Variants in DMBT1 observed in about 807,000 individuals in gnomAD.
DMBT1 encodes the protein deleted in malignant brain tumors 1.
DMBT1 carries 198 observed loss-of-function variants against 252.9 expected under a neutral mutation model. The observed-to-expected ratio is 0.78, with a 90% CI of 0.70 to 0.88. DMBT1 has a LOEUF of 0.88. Ranked by LOEUF, DMBT1 falls within the 40% of genes least tolerant of loss-of-function variation. The pLI, the probability that DMBT1 is intolerant of heterozygous loss-of-function variation, is 0.00. For missense variants in DMBT1, 2,432 were observed against 2,404.7 expected (o/e 1.01, Z -0.24); for synonymous variants, 990 against 942.7 (o/e 1.05, Z -0.92).
chr10:122,586,085 G>A lies in DMBT1; in HGVS notation c.1485G>A (p.Arg495=). 2 of 1,589,006 alleles carry A rather than the reference G, an allele frequency of 1.3e-6. No individual in the cohort carries two copies. The highest frequency in any genetic ancestry group is 1.7e-6 in the Non-Finnish European group (2 of 1,166,060). The stretch of plus-strand genomic sequence containing the variant: ...GATCTGAATCCAGTTTGGCCCTGAG[G>A]CTGGTGAATGGAGGTGACAGGTGTC... ...TVGSESSLAL[R]LVNGGDRCQG... Residue 495 remains arginine, a synonymous_variant, in exon 16 of 56, where the codon AGG becomes AGA. Transcript: ENST00000338354.
intron 5 of DMBT1, among the ~76,000 whole-genome samples, chr10:122,573,055 A>G (rs746563600): frequency 2.0e-5 from 3 of 152,148 alleles, no homozygotes; most frequent in Non-Finnish European, 2.9e-5. Flanking sequence ...TAATTCACAA[A>G]GAAACCTACA....
chr10:122,570,418 C>T (rs1198254904), intron 3 of DMBT1, among the ~76,000 whole-genome samples: 3 of 152,256 alleles, frequency 2.0e-5, no homozygotes, highest in Non-Finnish European at 4.4e-5. Flanking sequence ...GGGCATGGTC[C>T]TCCATGCAGC....
chr10:122,626,407 C>G (rs1164640263), intron 46 of DMBT1, among the ~76,000 whole-genome samples: 1 of 152,128 alleles, frequency 6.6e-6, no homozygotes, highest in African/African-American at 2.4e-5. Context: ...AATTATTTGA[C>G]AAATCATCAG....
At chr10:122,591,871 C>T (rs2097851911) in intron 19 of DMBT1, among the ~76,000 whole-genome samples, 1 of 149,294 alleles carries the variant, frequency 6.7e-6, no homozygotes, top group East Asian at 2.1e-4. Context: ...CTGCAGTTGT[C>T]TGGCCAATGT....
At chr10:122,566,601 C>T (rs1430843793) in intron 2 of DMBT1, among the ~76,000 whole-genome samples, 5 of 152,310 alleles carry the variant, frequency 3.3e-5, no homozygotes, top group African/African-American at 7.2e-5. Flanking sequence ...TGAGCCACTG[C>T]GCCCGGCCTA....
In DMBT1 at chr10:122,598,133, G is replaced by T. The variant is rs941450146; in HGVS notation, c.2956+121G>T. 6.2e-6 allele frequency: 9 copies of T among 1,450,682 alleles called. No homozygotes were observed. The African/African-American group carries it at 1.3e-4, about 20-fold the overall frequency. 89.9% of individuals were successfully genotyped at this position (1,450,682 alleles called of 1,614,324 possible). Reference sequence around the variant, plus strand: ...TCTCTTTTTCATGTCCCTGTGGGTTGCATGGGAGGAAGGTAGCGTCTCTGG... The same window carrying T: ...TCTCTTTTTCATGTCCCTGTGGGTTTCATGGGAGGAAGGTAGCGTCTCTGG... On this transcript the variant is annotated intron_variant, in intron 25 of 55. Coordinates refer to ENST00000338354, the MANE Select transcript of DMBT1 (RefSeq NM_001377530.1).
chr10:122,618,982 G>T (rs944885085), intron 41 of DMBT1, among the ~76,000 whole-genome samples: 6 of 152,242 alleles, frequency 3.9e-5, no homozygotes, highest in African/African-American at 1.4e-4. Flanking sequence ...GATCACACAA[G>T]GCATTTGGGC....
intron 40 of DMBT1, 91 bp from the exon 41 acceptor site, chr10:122,617,925 TG>T: frequency 6.4e-7 from 1 of 1,573,494 alleles, no homozygotes; most frequent in Middle Eastern, 2.4e-4. Flanking sequence ...CAGGTGACTC[TG>T]GCCATTAGGA....
intron 55 of DMBT1, among the ~76,000 whole-genome samples, chr10:122,641,826 T>C (rs1057382872): frequency 6.6e-6 from 1 of 152,110 alleles, no homozygotes; most frequent in Admixed American, 6.5e-5. Flanking sequence ...CAGGGACTTA[T>C]TGGCTACACC....
rs567473612 is a variant in DMBT1, at chr10:122,560,866, C to T, written c.61+35C>T. 4.7e-5 allele frequency: 70 copies of T among 1,498,872 alleles called. No homozygotes were observed. The South Asian group carries it at 8.1e-4, about 17-fold the overall frequency. 92.8% of individuals were successfully genotyped at this position (1,498,872 alleles called of 1,614,324 possible). ...TTAATTATTATATTCATTAATTTCT[C>T]TCCTGCAGACCCAATCATGGCAAAT... is the stretch of plus-strand genomic sequence containing the variant. On this transcript the variant is annotated intron_variant, in intron 1 of 55. Transcript: ENST00000338354.
chr10:122,643,366 AC>A lies in DMBT1; in HGVS notation c.7604del (p.Pro2535HisfsTer24). 1.2e-6 allele frequency: 2 copies of A among 1,611,206 alleles called. No homozygotes were observed. Among genetic ancestry groups the A allele is most frequent in the Non-Finnish European group, 8.5e-7 (1 of 1,179,104 alleles). On this transcript the variant is annotated frameshift_variant, in exon 56 of 56. Coordinates refer to ENST00000338354, the MANE Select transcript of DMBT1 (RefSeq NM_001377530.1). LOFTEE classifies it low-confidence loss of function (END_TRUNC). ...DVVLGPIQLQ[T>X]PPRREEEPR Reference sequence around the variant, plus strand: ...CGTCCTGGGTCCCATCCAGCTGCAGACCCCCCCACGCCGAGAAGAGGAGCCT... The same window carrying A: ...CGTCCTGGGTCCCATCCAGCTGCAGACCCCCCACGCCGAGAAGAGGAGCCT...
chr10:122,617,883 G>A, intron 40 of DMBT1, 134 bp from the exon 41 acceptor site: 2 of 1,455,700 alleles, frequency 1.4e-6, no homozygotes, highest in South Asian at 1.3e-5. Flanking sequence ...TGAACCTCCG[G>A]TAGCAGTTGT....
At chr10:122,578,140 G>A (rs2097729111) in intron 8 of DMBT1, among the ~76,000 whole-genome samples, 1 of 152,136 alleles carries the variant, frequency 6.6e-6, no homozygotes, top group Non-Finnish European at 1.5e-5. Context: ...TATATTCAGG[G>A]CTGACACAAC....
intron 9 of DMBT1, 52 bp downstream of exon 9, chr10:122,578,811 A>G (rs1053901523): frequency 2.0e-6 from 3 of 1,517,898 alleles, no homozygotes; most frequent in African/African-American, 1.4e-5. Context: ...CTCTGGATAC[A>G]CTTTGGATTT....
rs751065371 is a variant in DMBT1, at chr10:122,593,537, C to T, written c.2501-32C>T. 8 of 1,585,530 alleles carry T rather than the reference C, an allele frequency of 5.0e-6. 1 individual carries two copies. The South Asian group carries it at 9.2e-5, about 18-fold the overall frequency. ...GTTTTGCCGACTTCTGTGTAATGTT[C>T]CTGATCTGACCTTCTCTTCTCTTTC... On this transcript the variant is annotated intron_variant, in intron 20 of 55. Transcript: ENST00000338354.
chr10:122,589,639 G>A (rs961888601), intron 17 of DMBT1, among the ~76,000 whole-genome samples: 1 of 148,534 alleles, frequency 6.7e-6, no homozygotes, highest in Non-Finnish European at 1.5e-5. Flanking sequence ...CTGCATAGGA[G>A]CGTGGTATCT....
rs188294188 is a variant in DMBT1 at position 122,629,410 on chromosome 10, C to T, written c.5669-430C>T. ...CAACGTTGTGCTACTTGTGAATTGG[C>T]AGAGTCCTGTGCTCATGGAAGACGC... On this transcript the variant is annotated intron_variant, in intron 46 of 55. Transcript: ENST00000338354. Among the ~76,000 whole-genome samples the T allele has an allele frequency of 2.0e-5, 3 of 152,294 alleles. No homozygotes were observed. The East Asian group carries it at 5.8e-4, about 29-fold the overall frequency.
intron 48 of DMBT1, 95 bp downstream of exon 48, chr10:122,630,585 G>A (rs2098155000): frequency 7.6e-7 from 1 of 1,316,446 alleles, no homozygotes; most frequent in Non-Finnish European, 1.1e-6. Context: ...TCAAAGAAGG[G>A]CCTCAGCGAT....
chr10:122,624,069 G>A (rs932443040), intron 44 of DMBT1, among the ~76,000 whole-genome samples: 1 of 152,180 alleles, frequency 6.6e-6, no homozygotes, highest in African/African-American at 2.4e-5. Context: ...TGGTCCCTGT[G>A]AGCAGAGTGA....
Sources: gnomAD v4.1 joint callset for allele counts (sites outside exome capture counted in the v4.1 genomes callset) on GRCh38, gnomAD v4.1.1 for gene constraint, MANE v1.5 for transcripts, NCBI Gene and HGNC (gene_info 2026-07-23, HGNC 2026-07-21) for gene names.